The following GBGT1 variants were observed in gnomAD, a reference collection of about 807,000 sequenced individuals.
The protein encoded by GBGT1 is globoside alpha-1,3-N-acetylgalactosaminyltransferase 1 (FORS blood group), also known as globoside alpha-1,3-N-acetylgalactosaminyltransferase 1.
In GBGT1, 18 loss-of-function variants were observed where a neutral mutation model predicts 20.9. That is an observed-to-expected ratio of 0.86 (90% CI 0.60 to 1.28). The LOEUF is 1.28. Ranked by LOEUF, GBGT1 falls within the 50% of genes most tolerant of loss-of-function variation. The pLI, the probability that GBGT1 is intolerant of heterozygous loss-of-function variation, is 0.00. For synonymous variants in GBGT1, 168 were observed against 180.8 expected (o/e 0.93, Z 0.57); for missense variants, 432 against 455.7 (o/e 0.95, Z 0.47).
At position 133,155,197 on chromosome 9, in the gene GBGT1, T is replaced by C. The variant is rs769256294; in HGVS notation, c.340A>G (p.Thr114Ala). 9 of 1,613,986 alleles carry C rather than the reference T, an allele frequency of 5.6e-6. No homozygotes were observed. The highest frequency in any genetic ancestry group is 7.6e-6 in the Non-Finnish European group (9 of 1,179,988). Residue 114 changes from threonine to alanine, a missense_variant, in exon 6 of 7, where the codon ACG becomes GCG. By Grantham distance (58) the Thr-to-Ala change is moderately conservative (BLOSUM62 0). Coordinates refer to ENST00000372040, the MANE Select transcript of GBGT1 (RefSeq NM_021996.6). ...ACTCACTTCCCCACGGCAAACACCG[T>C]GACCCCAATGGTCAGGTTCAGTGGC... is the stretch of plus-strand genomic sequence containing the variant. ...YQPLNLTIGV[T>A]VFAVGKYTHF...
intron 5 of GBGT1, 115 bp downstream of exon 5, chr9:133,155,786 A>C: frequency 2.7e-6 from 3 of 1,100,000 alleles, no homozygotes; most frequent in Non-Finnish European, 4.1e-6. Flanking sequence ...CACAGTCCCT[A>C]ACTCTCTGGG....
At chr9:133,156,346 CGTT>C (rs1832869225) in intron 3 of GBGT1, among the ~76,000 whole-genome samples, 1 of 152,260 alleles carries the variant, frequency 6.6e-6, no homozygotes, top group South Asian at 2.1e-4. Flanking sequence ...ATGTCGCTCT[CGTT>C]GTCGGAAAGA....
intron 3 of GBGT1, among the ~76,000 whole-genome samples, chr9:133,160,635 C>A (rs1833009772): frequency 6.6e-6 from 1 of 152,194 alleles, no homozygotes; most frequent in East Asian, 1.9e-4. Context: ...AAATTGGGAG[C>A]AACCTAAATC....
rs994331780 is a variant in GBGT1, at chr9:133,154,853, G to T, written c.359+325C>A. The T allele has an allele frequency of 2.3e-5, 6 of 263,848 alleles. No homozygotes were observed. Among genetic ancestry groups the T allele is most frequent in the Non-Finnish European group, 4.3e-5 (6 of 139,436 alleles). 16.3% of individuals were successfully genotyped at this position (263,848 alleles called of 1,614,324 possible). On this transcript the variant is annotated intron_variant, in intron 6 of 6. Coordinates refer to ENST00000372040, the MANE Select transcript of GBGT1 (RefSeq NM_021996.6). The surrounding 1 kb of genome is among the most constrained non-coding windows in gnomAD (Gnocchi z 4.2). Reference sequence around the variant, plus strand: ...GCCAAGCGGCAGCTCCTAAAGGAAGGCCAGGTGGGGTCATGGGAGAGACAA... The same window carrying T: ...GCCAAGCGGCAGCTCCTAAAGGAAGTCCAGGTGGGGTCATGGGAGAGACAA...
chr9:133,153,900 AGGGGAACTGCTGGC>A lies in GBGT1; in HGVS notation c.707_720del (p.Arg236LeufsTer2). The A allele has an allele frequency of 6.2e-7, 1 of 1,605,090 alleles. No individual in the cohort carries two copies. The highest frequency in any genetic ancestry group is 8.5e-7 in the Non-Finnish European group (1 of 1,172,856). ...GCAGTGGAAACACGCCTGCGCTCAT[AGGGGAACTGCTGGC>A]GGGGAACGGCGTAGTAGCTTGGGTG... On this transcript the variant is annotated frameshift_variant, in exon 7 of 7. Coordinates refer to ENST00000372040, the MANE Select transcript of GBGT1 (RefSeq NM_021996.6). LOFTEE classifies it low-confidence loss of function (END_TRUNC).
chr9:133,157,624 G>A (rs921319733), intron 3 of GBGT1, among the ~76,000 whole-genome samples: 6 of 152,238 alleles, frequency 3.9e-5, no homozygotes, highest in Non-Finnish European at 8.8e-5. Context: ...AGCCTCCATG[G>A]TCAGTTTCAA....
At position 133,153,295 on chromosome 9, in the gene GBGT1, G is replaced by A. The variant is rs1033418670; in HGVS notation, c.*282C>T. 8.9e-5 allele frequency: 29 copies of A among 324,434 alleles called. No homozygotes were observed. The highest frequency in any genetic ancestry group is 3.2e-4 in the African/African-American group (15 of 46,878). 20.1% of individuals were successfully genotyped at this position (324,434 alleles called of 1,614,324 possible). A position where few individuals can be genotyped will look rare whatever the true frequency, so the allele number is the denominator to read the frequency against. On this transcript the variant is annotated 3_prime_UTR_variant, in exon 7 of 7. Transcript: ENST00000372040. Reference sequence around the variant, plus strand: ...GGGCTGAGGCTTCAGAGCCTGCCCCGCAAAGGCACGGCTGCAGAACGTGGC... The same window carrying A: ...GGGCTGAGGCTTCAGAGCCTGCCCCACAAAGGCACGGCTGCAGAACGTGGC...
chr9:133,162,535 G>T lies in GBGT1; in HGVS notation c.-120-3C>A. On this transcript the variant is annotated splice_region_variant and splice_polypyrimidine_tract_variant and intron_variant, in intron 1 of 6. Transcript: ENST00000372040. ...GGTCTCTGAGGTCCCAGGAACACCTGCAAAGGAACACTTTTGTTGTTTTGA... is the reference window on the plus strand; with the variant it reads ...GGTCTCTGAGGTCCCAGGAACACCTTCAAAGGAACACTTTTGTTGTTTTGA... 1.3e-6 allele frequency: 1 copy of T among 747,580 alleles called. No homozygotes were observed. The highest frequency in any genetic ancestry group is 2.3e-6 in the Non-Finnish European group (1 of 426,190). 46.3% of individuals were successfully genotyped at this position (747,580 alleles called of 1,614,324 possible). A position where few individuals can be genotyped will look rare whatever the true frequency, so the allele number is the denominator to read the frequency against.
chr9:133,158,005 C>T (rs1053952070), intron 3 of GBGT1, among the ~76,000 whole-genome samples: 15 of 151,972 alleles, frequency 9.9e-5, no homozygotes, highest in African/African-American at 3.4e-4. Context: ...ATTAGCTGGG[C>T]GTGGTGGTGG....
At chr9:133,158,598 A>G (rs1832944622) in intron 3 of GBGT1, among the ~76,000 whole-genome samples, 1 of 152,132 alleles carries the variant, frequency 6.6e-6, no homozygotes, top group Non-Finnish European at 1.5e-5. Context: ...GTGAGTTTCA[A>G]TACATCATGT....
chr9:133,161,483 G>A lies in GBGT1; in HGVS notation c.121C>T (p.Pro41Ser). The A allele has an allele frequency of 6.2e-7, 1 of 1,609,630 alleles. No homozygotes were observed. Among genetic ancestry groups the A allele is most frequent in the Non-Finnish European group, 8.5e-7 (1 of 1,176,946 alleles). The stretch of plus-strand genomic sequence containing the variant: ...CATACTTACAAGATCTCTGGGCAGG[G>A]GAGATAATAGGGGACATAGGAGACT... The part of the protein sequence containing the change: ...LPVSYVPYYL[P>S]CPEIFNMKLH... The change falls in exon 3 of 7, where the codon CCC (proline) becomes TCC (serine). Residue 41 changes from proline (P) to serine (S), a missense_variant. By Grantham distance (74) the Pro-to-Ser change is moderately conservative. Transcript: ENST00000372040.
In GBGT1 at chr9:133,153,947, G is replaced by A; in HGVS notation, c.674C>T (p.Ala225Val). The A allele has an allele frequency of 6.2e-7, 1 of 1,610,882 alleles. No homozygotes were observed. The highest frequency in any genetic ancestry group is 8.5e-7 in the Non-Finnish European group (1 of 1,177,458). Residue 225 changes from alanine (A) to valine (V), a missense_variant, in exon 7 of 7, where the codon GCT (alanine) becomes GTT (valine). Physicochemically the swap from Ala to Val is moderately conservative, Grantham distance 64. Transcript: ENST00000372040. ...GGCGTAGTAGCTTGGGTGAATGGCA[G>A]CCACCAGGTCTCCCAAGGTCTCAGG... ...WGPETLGDLV[A>V]AIHPSYYAVP...
rs149153497 is a variant in GBGT1 at position 133,154,074 on chromosome 9, G to A, written c.547C>T (p.Arg183Trp). ...HSHWEETSMR[R>W]METISQHIAK... ...ATGTGCTGGCTGATGGTCTCCATCCGGCGCATGGATGTCTCCTCCCAGTGG... is the reference window on the plus strand; with the variant it reads ...ATGTGCTGGCTGATGGTCTCCATCCAGCGCATGGATGTCTCCTCCCAGTGG... The change falls in exon 7 of 7, where the codon CGG becomes TGG. Residue 183 changes from arginine (R) to tryptophan (W), a missense_variant. Transcript: ENST00000372040. The surrounding 1 kb of genome is among the most constrained non-coding windows in gnomAD (Gnocchi z 4.2). The A allele has an allele frequency of 5.0e-6, 8 of 1,613,360 alleles. No individual in the cohort carries two copies. The highest frequency in any genetic ancestry group is 2.2e-5 in the South Asian group (2 of 91,092).
chr9:133,157,906 G>A (rs763177777), intron 3 of GBGT1, among the ~76,000 whole-genome samples: 40 of 152,208 alleles, frequency 2.6e-4, no homozygotes, highest in Admixed American at 1.2e-3. Flanking sequence ...CAGCACTTTG[G>A]GAGGCCAAAG....
rs1017203892 is a variant in GBGT1, at chr9:133,154,237, G to A, written c.384C>T (p.Phe128=). 42 of 1,532,476 alleles carry A rather than the reference G, an allele frequency of 2.7e-5. No homozygotes were observed. The highest frequency in any genetic ancestry group is 3.7e-5 in the Non-Finnish European group (42 of 1,135,732). 94.9% of individuals were successfully genotyped at this position (1,532,476 alleles called of 1,614,324 possible). ...VGKYTHFIQS[F]LESAEEFFMR... is the part of the protein sequence containing the mutation. ...TGAAGAACTCCTCGGCTGACTCCAG[G>A]AAGGACTGGATGAAATGAGTGTACC... The change falls in exon 7 of 7, where the codon TTC becomes TTT. Residue 128 remains phenylalanine (F), a synonymous_variant. Coordinates refer to ENST00000372040, the MANE Select transcript of GBGT1 (RefSeq NM_021996.6). The surrounding 1 kb of genome is among the most constrained non-coding windows in gnomAD (Gnocchi z 4.2).
Position 133,154,222 on chromosome 9 carries a change from C to G in GBGT1, c.399G>C (p.Glu133Asp). The change falls in exon 7 of 7, where the codon GAG becomes GAC. Residue 133 changes from glutamate (E) to aspartate (D), a missense_variant. By Grantham distance (45) the Glu-to-Asp change is conservative (BLOSUM62 2). Coordinates refer to ENST00000372040, the MANE Select transcript of GBGT1 (RefSeq NM_021996.6). The surrounding 1 kb of genome is among the most constrained non-coding windows in gnomAD (Gnocchi z 4.2). The stretch of plus-strand genomic sequence containing the variant: ...CCCGGTACCCACGCATGAAGAACTC[C>G]TCGGCTGACTCCAGGAAGGACTGGA... ...HFIQSFLESA[E>D]EFFMRGYRVH... 1 of 1,542,700 alleles carries G rather than the reference C, an allele frequency of 6.5e-7. No individual in the cohort carries two copies. The highest frequency in any genetic ancestry group is 8.8e-7 in the Non-Finnish European group (1 of 1,139,812).
rs989571622 is a variant in GBGT1 at position 133,153,384 on chromosome 9, C to T, written c.*193G>A. The T allele has an allele frequency of 1.2e-4, 50 of 406,654 alleles. No individual in the cohort carries two copies. In the East Asian group the frequency reaches 1.3e-3, roughly 10 times the overall value. 25.2% of individuals were successfully genotyped at this position (406,654 alleles called of 1,614,324 possible). ...TCCCCCTGTCTCACTGTTCCCATGC[C>T]GCGTTACTGTGAGATCCTGTGTGCT... On this transcript the variant is annotated 3_prime_UTR_variant, in exon 7 of 7. Coordinates refer to ENST00000372040, the MANE Select transcript of GBGT1 (RefSeq NM_021996.6).
Position 133,153,845 on chromosome 9 carries a change from T to C in GBGT1, c.776A>G (p.Tyr259Cys), listed in dbSNP as rs976139003. 4 of 1,597,096 alleles carry C rather than the reference T, an allele frequency of 2.5e-6. No individual in the cohort carries two copies. Among genetic ancestry groups the C allele is most frequent in the Non-Finnish European group, 3.4e-6 (4 of 1,168,892 alleles). The change falls in exon 7 of 7, where the codon TAT (tyrosine) becomes TGT (cysteine). Residue 259 changes from tyrosine to cysteine, a missense_variant. Tyr to Cys is a radical substitution (Grantham distance 194, BLOSUM62 -2). Transcript: ENST00000372040. ...CCCCCCGAAGACTGCCCCACCATAATAGAAGTCCCCTTCGCTGTCTGCCAC... is the reference window on the plus strand; with the variant it reads ...CCCCCCGAAGACTGCCCCACCATAACAGAAGTCCCCTTCGCTGTCTGCCAC... Reference protein sequence around the residue: ...AFVADSEGDFYYGGAVFGGQV... With the variant: ...AFVADSEGDFCYGGAVFGGQV...
intron 5 of GBGT1, 167 bp from the exon 6 acceptor site, chr9:133,155,479 G>T: frequency 1.4e-6 from 1 of 732,928 alleles, no homozygotes; most frequent in Non-Finnish European, 2.2e-6. Flanking sequence ...CTCCCAGCAG[G>T]GTTGGGAGTA....
Sources: allele counts gnomAD v4.1 joint callset (sites outside exome capture counted in the v4.1 genomes callset), GRCh38; gene constraint gnomAD v4.1.1; non-coding constraint Gnocchi (gnomAD v3.1); transcripts MANE v1.5; gene names NCBI Gene and HGNC (gene_info 2026-07-23, HGNC 2026-07-21).